Variants in SIGLEC9 observed in about 807,000 individuals in gnomAD.
The protein encoded by SIGLEC9 is sialic acid binding Ig like lectin 9.
Under a neutral mutation model 38.3 loss-of-function variants are expected in SIGLEC9, and 26 were observed. The ratio of observed to expected loss-of-function variants is 0.68; its 90% CI spans 0.50 to 0.94. SIGLEC9 has a LOEUF of 0.94. Ranked by LOEUF, SIGLEC9 falls within the 40% of genes least tolerant of loss-of-function variation. The pLI, the probability that SIGLEC9 is intolerant of heterozygous loss-of-function variation, is 0.00. For missense variants in SIGLEC9, 556 were observed against 585.7 expected (o/e 0.95, Z 0.52); for synonymous variants, 236 against 248.0 (o/e 0.95, Z 0.45).
chr19:51,131,290 A>AT (rs1374839534), downstream of SIGLEC9, among the ~76,000 whole-genome samples: 3 of 152,056 alleles, frequency 2.0e-5, no homozygotes, highest in African/African-American at 7.2e-5. Context: ...CCAAGGAACA[A>AT]TTTTTTAAAA....
chr19:51,126,072 C>T lies in SIGLEC9; in HGVS notation c.701-9C>T. 6.2e-7 allele frequency: 1 copy of T among 1,613,958 alleles called. No homozygotes were observed. The highest frequency in any genetic ancestry group is 8.5e-7 in the Non-Finnish European group (1 of 1,179,862). The stretch of plus-strand genomic sequence containing the variant: ...CAGTGATGCGGGTCTCCATGTCTTT[C>T]TGTCCCAGACCCGCCTCAGAACTTG... On this transcript the variant is annotated splice_polypyrimidine_tract_variant and intron_variant, in intron 2 of 6. Coordinates refer to ENST00000250360, the MANE Select transcript of SIGLEC9 (RefSeq NM_014441.3).
At chr19:51,126,420 C>T (rs947694029) in intron 3 of SIGLEC9, among the ~76,000 whole-genome samples, 5 of 152,106 alleles carry the variant, frequency 3.3e-5, no homozygotes, top group Non-Finnish European at 7.4e-5. Flanking sequence ...TACATCTCCA[C>T]CCTTATCTGT....
At chr19:51,127,389 C>A in intron 4 of SIGLEC9, 93 bp downstream of exon 4, 1 of 1,363,756 alleles carries the variant, frequency 7.3e-7, no homozygotes, top group Non-Finnish European at 9.9e-7. Context: ...CAGAGAGGAG[C>A]TCCGCTCTGG....
chr19:51,123,264 G>A (rs1377595523), upstream of SIGLEC9, among the ~76,000 whole-genome samples: 1 of 152,218 alleles, frequency 6.6e-6, no homozygotes, highest in Non-Finnish European at 1.5e-5. Flanking sequence ...CGAGTTCCAG[G>A]TGGGGCTGAG....
chr19:51,121,919 C>T (rs1345875043), upstream of SIGLEC9, among the ~76,000 whole-genome samples: 2 of 151,914 alleles, frequency 1.3e-5, no homozygotes, highest in African/African-American at 4.8e-5. Context: ...TTCCATGCCC[C>T]TCCCCAGCCT....
intron 6 of SIGLEC9, chr19:51,129,020 T>C (rs1599819523): frequency 6.7e-6 from 1 of 148,922 alleles, no homozygotes; most frequent in South Asian, 1.9e-4. Flanking sequence ...TGTGTGCCAA[T>C]AAAACTATTC....
intron 6 of SIGLEC9, among the ~76,000 whole-genome samples, chr19:51,129,674 T>C (rs2569445): frequency 0.024 from 3,695 of 152,062 alleles, 120 homozygotes; most frequent in African/African-American, 0.069. Context: ...CTCAGCCTCC[T>C]GAGTAGCTGG....
upstream of SIGLEC9, among the ~76,000 whole-genome samples, chr19:51,122,214 C>G (rs189078784): frequency 6.6e-6 from 1 of 152,156 alleles, no homozygotes; most frequent in East Asian, 1.9e-4. The surrounding 1 kb of genome is among the most constrained non-coding windows in gnomAD (Gnocchi z 4.1). Flanking sequence ...ACCCACTCCC[C>G]CTTCCAATCT....
chr19:51,128,888 T>A (rs273692), intron 6 of SIGLEC9: 1 of 192,530 alleles, frequency 5.2e-6, no homozygotes, highest in Non-Finnish European at 1.1e-5. Flanking sequence ...AAATACTATC[T>A]GTCAGGGACA....
chr19:51,125,624 T>G lies in SIGLEC9; in HGVS notation c.449T>G (p.Ile150Ser), dbSNP rs767890116. The change falls in exon 2 of 7, where the codon ATC becomes AGC. Residue 150 changes from isoleucine (I) to serine (S), a missense_variant. Ile to Ser is a moderately radical substitution (Grantham distance 142). Transcript: ENST00000250360. ...TTGACCCACAGGCCCAACATCCTCA[T>G]CCCAGGCACCCTGGAGTCCGGCTGC... ...TALTHRPNIL[I>S]PGTLESGCPQ... 1.9e-6 allele frequency: 3 copies of G among 1,612,202 alleles called. No homozygotes were observed. Among genetic ancestry groups the G allele is most frequent in the Middle Eastern group, 3.3e-4 (2 of 6,060 alleles).
upstream of SIGLEC9, among the ~76,000 whole-genome samples, chr19:51,124,511 G>T (rs1000992911): frequency 3.3e-5 from 5 of 152,188 alleles, no homozygotes; most frequent in Admixed American, 6.5e-5. Flanking sequence ...TGCTTGCTTG[G>T]GGGGGATGAG....
Position 51,125,740 on chromosome 19 carries a change from G to C in SIGLEC9, c.565G>C (p.Asp189His), listed in dbSNP as rs765201313. The C allele has an allele frequency of 4.8e-5, 78 of 1,613,882 alleles. No homozygotes were observed. The highest frequency in any genetic ancestry group is 1.1e-4 in the East Asian group (5 of 44,874). ...GATAGGGACCTCCGTGTCCCCCCTG[G>C]ACCCCTCCACCACCCGCTCCTCGGT... is the stretch of plus-strand genomic sequence containing the variant. ...SWIGTSVSPL[D>H]PSTTRSSVLT... The change falls in exon 2 of 7, where the codon GAC becomes CAC. Residue 189 changes from aspartate to histidine, a missense_variant. Coordinates refer to ENST00000250360, the MANE Select transcript of SIGLEC9 (RefSeq NM_014441.3).
chr19:51,132,813 ATAGAACATTTTTGAGAGACT>A (rs1167894382), downstream of SIGLEC9, among the ~76,000 whole-genome samples: 2 of 152,194 alleles, frequency 1.3e-5, no homozygotes, highest in African/African-American at 2.4e-5. Flanking sequence ...ACTGATGAAT[ATAGAACATTTTTGAGAGACT>A]TAAGGAAGGC....
chr19:51,125,093 C>A lies in SIGLEC9; in HGVS notation c.119C>A (p.Pro40His). Residue 40 changes from proline (P) to histidine (H), a missense_variant, in exon 1 of 7, where the codon CCC becomes CAC. Transcript: ENST00000250360. ...TVQEGLCVHV[P>H]CSFSYPSHGW... ...CAGGAAGGCCTGTGTGTCCATGTGC[C>A]CTGCTCCTTCTCCTACCCCTCGCAT... 1 of 1,614,034 alleles carries A rather than the reference C, an allele frequency of 6.2e-7. No homozygotes were observed.
At position 51,127,091 on chromosome 19, in the gene SIGLEC9, G is replaced by C; in HGVS notation, c.810G>C (p.Leu270=). 1 of 1,614,190 alleles carries C rather than the reference G, an allele frequency of 6.2e-7. No individual in the cohort carries two copies. Among genetic ancestry groups the C allele is most frequent in the Admixed American group, 1.7e-5 (1 of 60,034 alleles). The change falls in exon 4 of 7, where the codon CTG becomes CTC. Residue 270 remains leucine, a synonymous_variant. Transcript: ENST00000250360. Reference sequence around the variant, plus strand: ...TCCCAGAGGGCCAGTCTCTGCGCCTGGTCTGTGCAGTTGATGCAGTTGACA... The same window carrying C: ...TCCCAGAGGGCCAGTCTCTGCGCCTCGTCTGTGCAGTTGATGCAGTTGACA... The part of the protein sequence containing the change: ...LSLPEGQSLR[L]VCAVDAVDSN...
chr19:51,120,920 A>G (rs111499164), upstream of SIGLEC9, among the ~76,000 whole-genome samples: 20,747 of 148,300 alleles, frequency 0.14, 1,501 homozygotes, highest in South Asian at 0.21. This position sits in a 1 kb window ranked among gnomAD's most constrained non-coding sequence, Gnocchi z 4.1. Context: ...ATCTCTGCTC[A>G]CTGCAGCCTC....
chr19:51,124,822 G>A (rs2091964876), upstream of SIGLEC9: 2 of 931,184 alleles, frequency 2.1e-6, no homozygotes, highest in African/African-American at 3.3e-5. Context: ...GACAGTGTCT[G>A]GGTGTAAAGT....
upstream of SIGLEC9, among the ~76,000 whole-genome samples, chr19:51,123,619 G>A (rs2091956826): frequency 6.6e-6 from 1 of 152,224 alleles, no homozygotes; most frequent in Non-Finnish European, 1.5e-5. Flanking sequence ...TGAGGCTGGG[G>A]CTGCTTCAGG....
chr19:51,133,744 G>T (rs922313640), downstream of SIGLEC9, among the ~76,000 whole-genome samples: 1 of 152,126 alleles, frequency 6.6e-6, no homozygotes, highest in African/African-American at 2.4e-5. Context: ...TTGTACAACT[G>T]TGCTGTTTGA....
Sources: allele counts gnomAD v4.1 joint callset (sites outside exome capture counted in the v4.1 genomes callset), GRCh38; gene constraint gnomAD v4.1.1; non-coding constraint Gnocchi (gnomAD v3.1); transcripts MANE v1.5; gene names NCBI Gene and HGNC (gene_info 2026-07-23, HGNC 2026-07-21).